Variants in KIF1B observed in about 807,000 individuals in gnomAD.
KIF1B encodes the protein kinesin-like protein KIF1B.
Under a neutral mutation model 241.9 loss-of-function variants are expected in KIF1B, and 76 were observed. The observed-to-expected ratio is 0.31, with a 90% CI of 0.26 to 0.38. The LOEUF (loss-of-function observed/expected upper bound fraction) is 0.38. Among genes scored for constraint, KIF1B ranks in the 10% least tolerant of loss-of-function variants. The probability of loss-of-function intolerance (pLI) is 1.00; values close to 1 mark genes in which losing one functional copy is unlikely to be tolerated. For missense variants in KIF1B, 1,622 were observed against 2,271.4 expected (o/e 0.71, Z 5.81); for synonymous variants, 750 against 796.7 (o/e 0.94, Z 0.99).
rs1237235804 is a variant in KIF1B at position 10,304,137 on chromosome 1, G to A, written c.2115+6891G>A. 3.1e-6 allele frequency: 5 copies of A among 1,613,986 alleles called. No individual in the cohort carries two copies. The highest frequency in any genetic ancestry group is 4.2e-6 in the Non-Finnish European group (5 of 1,180,030). ...CACATATCATCATAACAGAAGATGA[G>A]GTTATAGAGCTTAGGATTCCAAAAG... On this transcript the variant is annotated intron_variant, in intron 22 of 48. Coordinates refer to ENST00000676179, the MANE Select transcript of KIF1B (RefSeq NM_001365951.3).
In KIF1B at chr1:10,317,359, G is replaced by A. The variant is rs964198737; in HGVS notation, c.2116-2684G>A. Among the ~76,000 whole-genome samples, 15 of 150,818 alleles carry A rather than the reference G, an allele frequency of 9.9e-5. 1 individual carries two copies. The highest frequency in any genetic ancestry group is 2.7e-4 in the African/African-American group (11 of 40,622). ...GTCCTTTTGAAATGGCCCCAGTGGT[G>A]TTTGAGTTCTTCCATCCTTTCTGAC... On this transcript the variant is annotated intron_variant, in intron 22 of 48. Transcript: ENST00000676179.
chr1:10,295,657 C>A lies in KIF1B; in HGVS notation c.1671-3C>A, dbSNP rs1302986414. ...CCTGGGAAACACTTTCTCTTGTGTT[C>A]AGGGTTGGCCAAGCAGATGCTGAGC... On this transcript the variant is annotated splice_polypyrimidine_tract_variant and splice_region_variant and intron_variant, in intron 18 of 48. Coordinates refer to ENST00000676179, the MANE Select transcript of KIF1B (RefSeq NM_001365951.3). 3 of 1,612,696 alleles carry A rather than the reference C, an allele frequency of 1.9e-6. No homozygotes were observed. Among genetic ancestry groups the A allele is most frequent in the South Asian group, 1.1e-5 (1 of 90,978 alleles).
In KIF1B at chr1:10,377,577, A is replaced by T. The variant is rs1638921039; in HGVS notation, c.*990A>T. ...TGGAATTAGTGCCATGTCATACACA[A>T]ATGTTCCACAAGGCGGGAGTGTTTC... On this transcript the variant is annotated 3_prime_UTR_variant, in exon 49 of 49. Transcript: ENST00000676179. 4.6e-6 allele frequency: 1 copy of T among 219,462 alleles called. No individual in the cohort carries two copies. Among genetic ancestry groups the T allele is most frequent in the African/African-American group, 2.2e-5 (1 of 44,502 alleles). 13.6% of individuals were successfully genotyped at this position (219,462 alleles called of 1,614,324 possible).
At chr1:10,304,299 T>G in intron 22 of KIF1B, 1 of 1,614,172 alleles carries the variant, frequency 6.2e-7, no homozygotes, top group Non-Finnish European at 8.5e-7. Context: ...AGCAGCACAT[T>G]AATAATCAGC....
chr1:10,258,666 T>C lies in KIF1B; in HGVS notation c.357T>C (p.Ile119=), dbSNP rs772901712. The part of the protein sequence containing the change: ...GKQEESQAGI[I]PQLCEELFEK... The stretch of plus-strand genomic sequence containing the variant: ...AAGAAGAAAGCCAGGCTGGCATCAT[T>C]CCACAGGTGAAAAACAAAACAAAAC... The change falls in exon 4 of 49, where the codon ATT becomes ATC. Residue 119 remains isoleucine (I), a synonymous_variant. Transcript: ENST00000676179. 1.9e-6 allele frequency: 3 copies of C among 1,613,986 alleles called. No homozygotes were observed. Among genetic ancestry groups the C allele is most frequent in the African/African-American group, 2.7e-5 (2 of 74,916 alleles).
At chr1:10,227,624 A>C (rs1278835045) in intron 1 of KIF1B, 1 of 152,084 alleles carries the variant, frequency 6.6e-6, no homozygotes, top group Non-Finnish European at 1.5e-5. Context: ...CCTGGCCAAC[A>C]TGTTGAAACC....
rs140446972 is a variant in KIF1B, at chr1:10,309,818, T to G, written c.2116-10225T>G. 3.3e-5 allele frequency among the ~76,000 whole-genome samples: 5 copies of G among 151,652 alleles called. No homozygotes were observed. The East Asian group carries it at 9.6e-4, about 29-fold the overall frequency. ...TGAAAGAATCTTAGTCTTACTGTAGTCTCCAAGGCTTTACATGTTTTGGCT... is the reference window on the plus strand; with the variant it reads ...TGAAAGAATCTTAGTCTTACTGTAGGCTCCAAGGCTTTACATGTTTTGGCT... On this transcript the variant is annotated intron_variant, in intron 22 of 48. Transcript: ENST00000676179.
intron 37 of KIF1B, among the ~76,000 whole-genome samples, chr1:10,350,286 G>A (rs558962853): frequency 1.3e-5 from 2 of 148,336 alleles, no homozygotes; most frequent in East Asian, 2.0e-4. Flanking sequence ...TAGGCCGGGC[G>A]TGGTGGCTCA....
chr1:10,304,372 C>G, intron 22 of KIF1B: 1 of 1,614,214 alleles, frequency 6.2e-7, no homozygotes, highest in Non-Finnish European at 8.5e-7. Flanking sequence ...GAAAAGTACG[C>G]GCTGCCAGGC....
In KIF1B at chr1:10,297,217, G is replaced by A; in HGVS notation, c.2086G>A (p.Ala696Thr). The A allele has an allele frequency of 6.2e-7, 1 of 1,612,704 alleles. No homozygotes were observed. Among genetic ancestry groups the A allele is most frequent in the Non-Finnish European group, 8.5e-7 (1 of 1,179,734 alleles). The change falls in exon 22 of 49, where the codon GCA becomes ACA. Residue 696 changes from alanine to threonine, a missense_variant. This residue lies in a region of KIF1B where 803 missense variants were observed against 1,112.0 expected (regional missense o/e 0.72). Coordinates refer to ENST00000676179, the MANE Select transcript of KIF1B (RefSeq NM_001365951.3). ...EILYKKEKEEADLLLEQQRLD... is the reference protein window; with the variant it reads ...EILYKKEKEETDLLLEQQRLD... ...CTTATACAAAAAGGAGAAGGAAGAA[G>A]CAGATCTTCTTTTGGAGCAGCAGAG...
At chr1:10,348,022 C>T (rs571530385) in intron 36 of KIF1B, among the ~76,000 whole-genome samples, 195 bp downstream of exon 36, 1 of 151,096 alleles carries the variant, frequency 6.6e-6, no homozygotes, top group East Asian at 1.9e-4. Flanking sequence ...TATATTTATC[C>T]TTGCTTTTAT....
chr1:10,367,714 GTTTT>G (rs1006657272), intron 43 of KIF1B, among the ~76,000 whole-genome samples: 84 of 149,178 alleles, frequency 5.6e-4, no homozygotes, highest in Admixed American at 8.0e-4. Flanking sequence ...TTTTGTAGGT[GTTTT>G]TTTTGTTTGT....
intron 18 of KIF1B, 38 bp downstream of exon 18, chr1:10,295,203 T>C (rs745318026): frequency 8.5e-5 from 104 of 1,225,276 alleles, no homozygotes; most frequent in Middle Eastern, 1.9e-4. Context: ...TCGTGTGTTT[T>C]CCCCCTCTTA....
At chr1:10,284,319 G>T (rs937312401) in intron 15 of KIF1B, among the ~76,000 whole-genome samples, 1 of 152,226 alleles carries the variant, frequency 6.6e-6, no homozygotes, top group African/African-American at 2.4e-5. Context: ...GGAGGCCAAG[G>T]TGGGCGGATC....
chr1:10,351,455 C>T (rs1005255032), intron 37 of KIF1B, among the ~76,000 whole-genome samples: 2 of 152,158 alleles, frequency 1.3e-5, no homozygotes, highest in African/African-American at 4.8e-5. Flanking sequence ...ATCCTCATAG[C>T]AACCATATAT....
At chr1:10,356,605 AAG>A (rs1638256974) in intron 38 of KIF1B, among the ~76,000 whole-genome samples, 2 of 151,728 alleles carry the variant, frequency 1.3e-5, no homozygotes, top group African/African-American at 4.8e-5. Context: ...GCTTTAAAAA[AAG>A]AAAAAAAAAT....
At chr1:10,274,182 C>T (rs1298601004) in intron 10 of KIF1B, among the ~76,000 whole-genome samples, 3 of 146,406 alleles carry the variant, frequency 2.0e-5, no homozygotes, top group African/African-American at 5.3e-5. Context: ...AAGTGATCCA[C>T]CCACCTCGGC....
At chr1:10,238,336 G>C (rs977103118) in intron 2 of KIF1B, among the ~76,000 whole-genome samples, 2 of 145,514 alleles carry the variant, frequency 1.4e-5, no homozygotes, top group Admixed American at 1.4e-4. Flanking sequence ...AACTGAGATG[G>C]AGCCGTTGCA....
chr1:10,376,478 G>A, intron 48 of KIF1B, 67 bp from the exon 49 acceptor site: 1 of 1,486,394 alleles, frequency 6.7e-7, no homozygotes, highest in Non-Finnish European at 9.4e-7. Flanking sequence ...CTCAGAGGGA[G>A]AGGACTGTGA....
Sources: allele counts gnomAD v4.1 joint callset (sites outside exome capture counted in the v4.1 genomes callset), GRCh38; gene constraint gnomAD v4.1.1; regional missense constraint gnomAD v4.1.1; transcripts MANE v1.5; gene names NCBI Gene and HGNC (gene_info 2026-07-23, HGNC 2026-07-21).